The following SIRPG variants were observed in gnomAD, a reference collection of about 807,000 sequenced individuals.
The protein encoded by SIRPG is signal-regulatory protein gamma.
In SIRPG, 38 loss-of-function variants were observed where a neutral mutation model predicts 35.7. That is an observed-to-expected ratio of 1.06 (90% confidence interval 0.82 to 1.40). The LOEUF is 1.40. SIRPG is among the 40% of genes most tolerant of loss of function. The pLI is 0.00. For synonymous variants in SIRPG, 215 were observed against 190.4 expected, an observed-to-expected ratio of 1.13 and a Z score of -1.06; for missense variants, 519 against 483.0, an observed-to-expected ratio of 1.07 and a Z score of -0.70.
At chr20:1,654,983 A>C (rs151088658) in intron 1 of SIRPG, among the ~76,000 whole-genome samples, 1 of 152,388 alleles carries the variant, frequency 6.6e-6, no homozygotes, top group East Asian at 1.9e-4. Context: ...GCAGTGGGCT[A>C]TCATCTCACA....
chr20:1,665,009 C>T, the SIRPG span, among the ~76,000 whole-genome samples: 2 of 152,308 alleles, frequency 1.3e-5, no homozygotes, highest in African/African-American at 4.8e-5. Context: ...CCTCACTTAG[C>T]ACCCTCTTCT....
the SIRPG span, among the ~76,000 whole-genome samples, chr20:1,675,538 T>C: frequency 1.3e-5 from 2 of 152,146 alleles, no homozygotes; most frequent in Non-Finnish European, 2.9e-5. Context: ...TTAAAAAGCA[T>C]AGCTGAGGGT....
chr20:1,660,179 C>T (rs1249668496), upstream of SIRPG, among the ~76,000 whole-genome samples: 1 of 151,730 alleles, frequency 6.6e-6, no homozygotes, highest in African/African-American at 2.4e-5. Context: ...TGAAAAAATA[C>T]CAAAACACAG....
intron 1 of SIRPG, among the ~76,000 whole-genome samples, chr20:1,653,793 A>G (rs1442240228): frequency 6.6e-6 from 1 of 152,230 alleles, no homozygotes; most frequent in Non-Finnish European, 1.5e-5. Context: ...TAGACTGAAA[A>G]AATGAGTTGA....
rs753474042 is a variant in SIRPG at position 1,649,422 on chromosome 20, C to G, written c.74-14G>C. The stretch of plus-strand genomic sequence containing the variant: ...CACCTGCCACTTCTGAAAAGGAGCA[C>G]AAAGCAATCATTTTTTCATCCTTAC... On this transcript the variant is annotated splice_polypyrimidine_tract_variant and intron_variant, in intron 1 of 5. Coordinates refer to ENST00000303415, the MANE Select transcript of SIRPG (RefSeq NM_018556.4). 1 of 1,582,046 alleles carries G rather than the reference C, an allele frequency of 6.3e-7. No homozygotes were observed. The highest frequency in any genetic ancestry group is 1.1e-5 in the South Asian group (1 of 87,610).
chr20:1,653,098 C>T (rs1306279681), intron 1 of SIRPG, among the ~76,000 whole-genome samples: 1 of 152,122 alleles, frequency 6.6e-6, no homozygotes, highest in Non-Finnish European at 1.5e-5. Context: ...AGAAGAAAAC[C>T]ACAATCTCCC....
intron 5 of SIRPG, among the ~76,000 whole-genome samples, chr20:1,629,958 G>T (rs1444225355): frequency 6.6e-6 from 1 of 152,074 alleles, no homozygotes; most frequent in African/African-American, 2.4e-5. Flanking sequence ...AGCCTGCAAG[G>T]GACCACCCAC....
intron 4 of SIRPG, among the ~76,000 whole-genome samples, chr20:1,632,958 A>G (rs764811150): frequency 6.6e-6 from 1 of 152,138 alleles, no homozygotes; most frequent in Non-Finnish European, 1.5e-5. Context: ...CACGGAAACA[A>G]AGTGGTCCTT....
the SIRPG span, among the ~76,000 whole-genome samples, chr20:1,668,240 T>TTTCTTTCTTTCTTTC: frequency 9.2e-6 from 1 of 108,934 alleles, no homozygotes; most frequent in Non-Finnish European, 2.1e-5. Context: ...TCTTTCTTTC[T>TTTCTTTCTTTCTTTC]TTCTTTCTTT....
In SIRPG at chr20:1,635,539, G is replaced by A; in HGVS notation, c.809C>T (p.Thr270Ile). The A allele has an allele frequency of 6.2e-7, 1 of 1,614,184 alleles. No homozygotes were observed. Among genetic ancestry groups the A allele is most frequent in the Non-Finnish European group, 8.5e-7 (1 of 1,180,004 alleles). ...GGGGTAGAACTTCCTCACCTGGCAG[G>A]TGACGTTTACCTGGTTCCCCACCCT... The part of the protein sequence containing the change: ...PMRVGNQVNV[T>I]CQVRKFYPQS... The change falls in exon 4 of 6, where the codon ACC becomes ATC. Residue 270 changes from threonine (T) to isoleucine (I), a missense_variant. Thr to Ile is a moderately conservative substitution (Grantham distance 89, BLOSUM62 -1). Coordinates refer to ENST00000303415, the MANE Select transcript of SIRPG (RefSeq NM_018556.4).
chr20:1,642,245 C>CT (rs2122496686), intron 2 of SIRPG, among the ~76,000 whole-genome samples: 1 of 152,302 alleles, frequency 6.6e-6, no homozygotes, highest in East Asian at 1.9e-4. Flanking sequence ...TTGTAGGTCT[C>CT]TAAGAACTTG....
upstream of SIRPG, among the ~76,000 whole-genome samples, chr20:1,658,873 C>T (rs903760067): frequency 6.6e-6 from 1 of 152,176 alleles, no homozygotes; most frequent in Non-Finnish European, 1.5e-5. Context: ...TATTTGGACT[C>T]TCGCTGCCAC....
chr20:1,685,479 C>T, the SIRPG span, among the ~76,000 whole-genome samples: 5 of 152,190 alleles, frequency 3.3e-5, no homozygotes, highest in East Asian at 3.9e-4. Context: ...AGAGCAGAGA[C>T]GGCCATCTAC....
chr20:1,635,198 C>T, intron 4 of SIRPG, 69 bp downstream of exon 4: 1 of 1,258,500 alleles, frequency 7.9e-7, no homozygotes, highest in East Asian at 2.4e-5. Flanking sequence ...GCTTATTTTA[C>T]AGCAAGTGTG....
chr20:1,629,217 G>A lies in SIRPG; in HGVS notation c.*422C>T, dbSNP rs917493123. 1.3e-5 allele frequency: 2 copies of A among 152,294 alleles called. No individual in the cohort carries two copies. Among genetic ancestry groups the A allele is most frequent in the Admixed American group, 6.5e-5 (1 of 15,286 alleles). The allele number at this position is 152,294 out of a possible 1,614,324, so 9.4% of individuals were successfully genotyped here. A position where few individuals can be genotyped will look rare whatever the true frequency, so the allele number is the denominator to read the frequency against. ...GTGCATTTGTATTCAAGAGGCAATA[G>A]AGAACCTCAACAAGGCTGGGGAGTT... is the stretch of plus-strand genomic sequence containing the variant. On this transcript the variant is annotated 3_prime_UTR_variant, in exon 6 of 6. Coordinates refer to ENST00000303415, the MANE Select transcript of SIRPG (RefSeq NM_018556.4).
At chr20:1,654,164 G>T (rs941164826) in intron 1 of SIRPG, among the ~76,000 whole-genome samples, 1 of 151,846 alleles carries the variant, frequency 6.6e-6, no homozygotes. Context: ...ACTTGAACCC[G>T]GGAGGTGGAG....
intron 2 of SIRPG, among the ~76,000 whole-genome samples, chr20:1,640,053 G>A (rs954797154): frequency 1.8e-4 from 28 of 152,108 alleles, no homozygotes; most frequent in African/African-American, 6.0e-4. Flanking sequence ...GTCAGGTAGC[G>A]TGATGCCTCC....
At chr20:1,651,948 T>C (rs1463496636) in intron 1 of SIRPG, among the ~76,000 whole-genome samples, 1 of 152,250 alleles carries the variant, frequency 6.6e-6, no homozygotes, top group African/African-American at 2.4e-5. Flanking sequence ...CTGAGTTGTT[T>C]TGAGGTGCCA....
rs899301983 is a variant in SIRPG, at chr20:1,637,035, A to T, written c.431-530T>A. Among the ~76,000 whole-genome samples the T allele has an allele frequency of 5.9e-5, 9 of 152,312 alleles. No individual in the cohort carries two copies. The South Asian group carries it at 6.2e-4, about 11-fold the overall frequency. On this transcript the variant is annotated intron_variant, in intron 2 of 5. Transcript: ENST00000303415. ...TTCCCTTCCCAGGGGTGCAACAAGG[A>T]TTAAATGGGGCCATGGAAGAAGTTT...
Sources: allele counts gnomAD v4.1 joint callset (sites outside exome capture counted in the v4.1 genomes callset), GRCh38; gene constraint gnomAD v4.1.1; transcripts MANE v1.5; gene names NCBI Gene and HGNC (gene_info 2026-07-23, HGNC 2026-07-21).